The following TRAPPC10 variants were observed in gnomAD, a reference collection of about 807,000 sequenced individuals.
TRAPPC10 encodes the protein TRAPP 130 kDa subunit.
A neutral mutation model predicts 125.5 loss-of-function variants in TRAPPC10; 23 were observed. The ratio of observed to expected loss-of-function variants is 0.18; its 90% CI spans 0.13 to 0.26. The LOEUF is 0.26. Ranked by LOEUF, TRAPPC10 falls within the 10% of genes least tolerant of loss-of-function variation. The pLI, the probability that TRAPPC10 is intolerant of heterozygous loss-of-function variation, is 1.00. For synonymous variants in TRAPPC10, 509 were observed against 518.0 expected (o/e 0.98, Z 0.24); for missense variants, 1,123 against 1,308.4 (o/e 0.86, Z 2.19).
rs368509295 is a variant in TRAPPC10, at chr21:44,086,785, G to C, written c.2381-17G>C. The C allele has an allele frequency of 6.2e-7, 1 of 1,612,980 alleles. No homozygotes were observed. Among genetic ancestry groups the C allele is most frequent in the South Asian group, 1.1e-5 (1 of 91,052 alleles). ...CCGGTTGGCAGCGGTGCTGAGCCAC[G>C]ATCTCTTTTCCTTTAGATAGCCTTC... On this transcript the variant is annotated splice_polypyrimidine_tract_variant and intron_variant, in intron 15 of 22. Transcript: ENST00000291574.
intron 14 of TRAPPC10, 61 bp from the exon 15 acceptor site, chr21:44,084,061 G>C (rs577355573): frequency 1.2e-6 from 2 of 1,600,658 alleles, no homozygotes; most frequent in African/African-American, 1.3e-5. Flanking sequence ...CCGCGCTACC[G>C]CAGGAAGCTA....
intron 5 of TRAPPC10, among the ~76,000 whole-genome samples, chr21:44,056,332 C>G (rs559970149): frequency 6.6e-6 from 1 of 152,188 alleles, no homozygotes; most frequent in Non-Finnish European, 1.5e-5. Context: ...AGTGCTCCAG[C>G]AAGAACTGTT....
intron 3 of TRAPPC10, chr21:44,046,749 C>A (rs1285793650): frequency 5.4e-5 from 22 of 408,148 alleles, no homozygotes. Context: ...CTCAGGCGAT[C>A]CTCCTGCCTT....
chr21:44,067,138 G>GAGTC (rs2145953671), intron 7 of TRAPPC10, among the ~76,000 whole-genome samples: 1 of 152,296 alleles, frequency 6.6e-6, no homozygotes, highest in African/African-American at 2.4e-5. Context: ...GACCCCAGGG[G>GAGTC]AGTCACCAGC....
rs1199835797 is a variant in TRAPPC10, at chr21:44,089,913, C to T, written c.2850C>T (p.Ser950=). The change falls in exon 18 of 23, where the codon AGC becomes AGT. Residue 950 remains serine (S), a synonymous_variant. Transcript: ENST00000291574. The part of the protein sequence containing the change: ...TFSVPFRTTH[S]LLSSGTRKYV... ...GCGTACCCTTCAGGACCACACACAG[C>T]CTCCTGTCCTCAGGAACACGGTAAC... is the stretch of plus-strand genomic sequence containing the variant. The T allele has an allele frequency of 6.2e-7, 1 of 1,613,712 alleles. No individual in the cohort carries two copies. The highest frequency in any genetic ancestry group is 1.7e-5 in the Admixed American group (1 of 60,000).
At chr21:44,092,074 T>C (rs916068715) in intron 19 of TRAPPC10, 25 bp downstream of exon 19, 16 of 1,611,890 alleles carry the variant, frequency 9.9e-6, no homozygotes, top group Non-Finnish European at 1.3e-5. Context: ...GACCTGAGCA[T>C]AAACTTCTCA....
chr21:44,075,175 T>G, intron 9 of TRAPPC10, 22 bp downstream of exon 9: 1 of 1,532,758 alleles, frequency 6.5e-7, no homozygotes, highest in African/African-American at 1.4e-5. Flanking sequence ...TATATACCTG[T>G]GTGAGTGGTG....
chr21:44,012,407 G>C lies in TRAPPC10; in HGVS notation c.-87G>C, dbSNP rs1025008393. 1.9e-5 allele frequency: 16 copies of C among 848,208 alleles called. No individual in the cohort carries two copies. Among genetic ancestry groups the C allele is most frequent in the Non-Finnish European group, 2.3e-5 (16 of 696,604 alleles). 52.5% of individuals were successfully genotyped at this position (848,208 alleles called of 1,614,324 possible). A position where few individuals can be genotyped will look rare whatever the true frequency, so the allele number is the denominator to read the frequency against. On this transcript the variant is annotated 5_prime_UTR_variant, in exon 1 of 23. Transcript: ENST00000291574. ...CTGGCGCGGCCGGGCGGGCGGCGCC[G>C]CTCAGGCTCGGGCTCCGGCTGGGCC...
In TRAPPC10 at chr21:44,037,780, A is replaced by T; in HGVS notation, c.150-12A>T. ...AGTTGTTTTCTCAGTGACTTCAAAC[A>T]ATTGTTTACAGGTCCTATGGCCGGG... On this transcript the variant is annotated splice_polypyrimidine_tract_variant and intron_variant, in intron 2 of 22. Coordinates refer to ENST00000291574, the MANE Select transcript of TRAPPC10 (RefSeq NM_003274.5). 6.2e-7 allele frequency: 1 copy of T among 1,607,562 alleles called. No individual in the cohort carries two copies. The highest frequency in any genetic ancestry group is 1.1e-5 in the South Asian group (1 of 90,336).
At chr21:44,040,908 G>A (rs962479752) in intron 3 of TRAPPC10, among the ~76,000 whole-genome samples, 3 of 151,946 alleles carry the variant, frequency 2.0e-5, no homozygotes, top group African/African-American at 2.4e-5. Context: ...GAGCCACTGC[G>A]CCCGGCCGCC....
At position 44,074,435 on chromosome 21, in the gene TRAPPC10, C is replaced by T. The variant is rs555772453; in HGVS notation, c.1150C>T (p.His384Tyr). The change falls in exon 8 of 23, where the codon CAC becomes TAC. Residue 384 changes from histidine (H) to tyrosine (Y), a missense_variant. This residue lies in a region of TRAPPC10 where 840 missense variants were observed against 902.0 expected (regional missense o/e 0.93). Transcript: ENST00000291574. ...GGCACAGATCGACTCAAACATTGCC[C>T]ACACTGTGGGGCTATGGAGCTATGC... ...DRAQIDSNIA[H>Y]TVGLWSYATE... is the part of the protein sequence containing the mutation. 70 of 1,614,236 alleles carry T rather than the reference C, an allele frequency of 4.3e-5. No individual in the cohort carries two copies. In the South Asian group the frequency reaches 6.5e-4, roughly 15 times the overall value.
chr21:44,031,710 C>G (rs191951368), intron 1 of TRAPPC10, among the ~76,000 whole-genome samples: 1 of 152,218 alleles, frequency 6.6e-6, no homozygotes. Flanking sequence ...GTTTTGGTTT[C>G]TTTTTCTCCA....
intron 3 of TRAPPC10, among the ~76,000 whole-genome samples, chr21:44,047,341 C>T (rs546195881): frequency 3.9e-5 from 6 of 152,172 alleles, no homozygotes; most frequent in South Asian, 4.1e-4. Flanking sequence ...CCACCGTACC[C>T]GGCTAATTTT....
chr21:44,019,182 G>A (rs1177876014), intron 1 of TRAPPC10, among the ~76,000 whole-genome samples: 1 of 152,042 alleles, frequency 6.6e-6, no homozygotes, highest in African/African-American at 2.4e-5. Context: ...TCAATCTCCC[G>A]AGTAGCTGCT....
intron 14 of TRAPPC10, 148 bp downstream of exon 14, chr21:44,083,450 C>A: frequency 1.2e-6 from 1 of 842,554 alleles, no homozygotes; most frequent in South Asian, 1.9e-5. Context: ...CAAAAATACA[C>A]TGATGTTTTC....
At chr21:44,039,895 T>A (rs1298313761) in intron 3 of TRAPPC10, among the ~76,000 whole-genome samples, 1 of 152,190 alleles carries the variant, frequency 6.6e-6, no homozygotes, top group Non-Finnish European at 1.5e-5. Context: ...GAACTGATAC[T>A]GATGCGTCCA....
chr21:44,019,667 T>C (rs2032273621), intron 1 of TRAPPC10, among the ~76,000 whole-genome samples: 1 of 152,186 alleles, frequency 6.6e-6, no homozygotes, highest in Non-Finnish European at 1.5e-5. Context: ...AATCACATCT[T>C]GAGCTCCTGA....
Position 44,082,626 on chromosome 21 carries a change from T to TG in TRAPPC10, c.1724-156dup, listed in dbSNP as rs2037833139. Among the ~76,000 whole-genome samples the TG allele has an allele frequency of 6.6e-6, 1 of 152,020 alleles. No individual in the cohort carries two copies. The highest frequency in any genetic ancestry group is 1.5e-5 in the Non-Finnish European group (1 of 67,982). On this transcript the variant is annotated intron_variant, in intron 13 of 22. Coordinates refer to ENST00000291574, the MANE Select transcript of TRAPPC10 (RefSeq NM_003274.5). This position sits in a 1 kb window ranked among gnomAD's most constrained non-coding sequence, Gnocchi z 4.4. ...ATTCTGCTTTTGATACAATAGCCTT[T>TG]GGGGGGTGTGAAGATGGCAGGAGGC...
rs547504433 is a variant in TRAPPC10, at chr21:44,080,372, C to T, written c.1723+245C>T. ...CCACACCCAAAGAATTAATAAGGTT[C>T]TAATATCATCTGCTAAGTAGGCCAT... On this transcript the variant is annotated intron_variant, in intron 13 of 22. Coordinates refer to ENST00000291574, the MANE Select transcript of TRAPPC10 (RefSeq NM_003274.5). Among the ~76,000 whole-genome samples, 4 of 152,132 alleles carry T rather than the reference C, an allele frequency of 2.6e-5. No homozygotes were observed. In the South Asian group the frequency reaches 8.3e-4, roughly 32 times the overall value.
Sources: allele counts gnomAD v4.1 joint callset (sites outside exome capture counted in the v4.1 genomes callset), GRCh38; gene constraint gnomAD v4.1.1; regional missense constraint gnomAD v4.1.1; non-coding constraint Gnocchi (gnomAD v3.1); transcripts MANE v1.5; gene names NCBI Gene and HGNC (gene_info 2026-07-23, HGNC 2026-07-21).